Variants in EPPK1 observed in about 807,000 individuals in gnomAD.
EPPK1 encodes epiplakin 1.
For missense variants in EPPK1, 3,823 were observed against 3,673.3 expected (o/e 1.04, Z -1.05); for synonymous variants, 1,862 against 1,721.2 (o/e 1.08, Z -2.03).
rs562011518 is a variant in EPPK1, at chr8:143,871,427, C to T, written c.1827G>A (p.Thr609=). 121 of 1,604,588 alleles carry T rather than the reference C, an allele frequency of 7.5e-5. 1 individual carries two copies. The South Asian group carries it at 8.7e-4, about 12-fold the overall frequency. The change falls in exon 2 of 2, where the codon ACG becomes ACA. Residue 609 remains threonine, a synonymous_variant. Coordinates refer to ENST00000615648, the MANE Select transcript of EPPK1 (RefSeq NM_031308.4). ...LASVQRYLQG[T]GCIAGLLLPG... is the part of the protein sequence containing the mutation. ...GGAGCAGCAGGCCAGCAATGCAGCC[C>T]GTACCCTGCAGGTACCTCTGCACCG...
At position 143,870,947 on chromosome 8, in the gene EPPK1, G is replaced by A; in HGVS notation, c.2307C>T (p.Asp769=). The change falls in exon 2 of 2, where the codon GAC becomes GAT. Residue 769 remains aspartate, a synonymous_variant. Transcript: ENST00000615648. This position sits in a 1 kb window ranked among gnomAD's most constrained non-coding sequence, Gnocchi z 5.2. ...DPSDDTKGFF[D]PNTHENLTYL... is the part of the protein sequence containing the mutation. ...ACGTGAGGTTCTCGTGCGTGTTGGGGTCGAAGAAGCCCTTGGTGTCGTCAG... is the reference window on the plus strand; with the variant it reads ...ACGTGAGGTTCTCGTGCGTGTTGGGATCGAAGAAGCCCTTGGTGTCGTCAG... The A allele has an allele frequency of 1.2e-6, 2 of 1,613,508 alleles. No individual in the cohort carries two copies. Among genetic ancestry groups the A allele is most frequent in the South Asian group, 2.2e-5 (2 of 91,088 alleles).
In EPPK1 at chr8:143,867,949, T is replaced by A. The variant is rs1819189410; in HGVS notation, c.5305A>T (p.Ile1769Phe). The A allele has an allele frequency of 1.2e-6, 2 of 1,613,720 alleles. No homozygotes were observed. The highest frequency in any genetic ancestry group is 4.5e-5 in the East Asian group (2 of 44,882). ...IIKKGENYVYINEATRHVLQS... is the reference protein window; with the variant it reads ...IIKKGENYVYFNEATRHVLQS... ...AACACGTGTCTCGTGGCCTCATTGA[T>A]GTACACGTAGTTTTCTCCTTTCTTT... The change falls in exon 2 of 2, where the codon ATC (isoleucine) becomes TTC (phenylalanine). Residue 1769 changes from isoleucine to phenylalanine, a missense_variant. Physicochemically the swap from Ile to Phe is conservative, Grantham distance 21 (BLOSUM62 0). Coordinates refer to ENST00000615648, the MANE Select transcript of EPPK1 (RefSeq NM_031308.4).
chr8:143,867,785 G>A lies in EPPK1; in HGVS notation c.5469C>T (p.Gly1823=). ...LIQEYGAQSG[G]LEKLLEIITT... ...TGATGATTTCCAGCAATTTCTCCAG[G>A]CCCCCACTCTGGGCTCCATACTCCT... Residue 1823 remains glycine (G), a synonymous_variant, in exon 2 of 2, where the codon GGC becomes GGT. Transcript: ENST00000615648. The A allele has an allele frequency of 6.2e-7, 1 of 1,613,594 alleles. No homozygotes were observed.
chr8:143,857,922 ACC>A lies in EPPK1; in HGVS notation c.*63_*64del. ...AAAAAAAAAAAAAAAAAAAAAAACA[ACC>A]CAGACACACAAGTATGCCTCCACTT... On this transcript the variant is annotated 3_prime_UTR_variant, in exon 2 of 2. Coordinates refer to ENST00000615648, the MANE Select transcript of EPPK1 (RefSeq NM_031308.4). The A allele has an allele frequency of 1.6e-5, 13 of 800,488 alleles. No individual in the cohort carries two copies. The highest frequency in any genetic ancestry group is 1.1e-4 in the South Asian group (4 of 37,498). 49.6% of individuals were successfully genotyped at this position (800,488 alleles called of 1,614,324 possible).
rs1554660382 is a variant in EPPK1 at position 143,869,537 on chromosome 8, C to A, written c.3717G>T (p.Lys1239Asn). ...PAQVAEQPAV[K>N]ACLWGTGCVA... is the part of the protein sequence containing the mutation. ...CGCAGCCTGTGCCCCACAGGCAGGC[C>A]TTCACCGCCGGCTGCTCGGCGACCT... The change falls in exon 2 of 2, where the codon AAG (lysine) becomes AAT (asparagine). Residue 1239 changes from lysine (K) to asparagine (N), a missense_variant. Lys to Asn is a moderately conservative substitution (Grantham distance 94). Coordinates refer to ENST00000615648, the MANE Select transcript of EPPK1 (RefSeq NM_031308.4). 3 of 1,561,890 alleles carry A rather than the reference C, an allele frequency of 1.9e-6. No homozygotes were observed. The highest frequency in any genetic ancestry group is 1.7e-6 in the Non-Finnish European group (2 of 1,156,396).
intron 1 of EPPK1, 57 bp from the exon 2 acceptor site, chr8:143,873,355 G>A (rs1819420002): frequency 1.6e-6 from 2 of 1,281,774 alleles, no homozygotes; most frequent in Middle Eastern, 2.1e-4. Flanking sequence ...GGGCACGAGG[G>A]AAGATGCGGT....
chr8:143,868,814 A>G lies in EPPK1; in HGVS notation c.4440T>C (p.Ala1480=), dbSNP rs782557877. ...GTGCCACCAGCTCCCGCCGCTTGTCAGCGCCAACGTATTCGGAGAGCAGCA... is the reference window on the plus strand; with the variant it reads ...GTGCCACCAGCTCCCGCCGCTTGTCGGCGCCAACGTATTCGGAGAGCAGCA... The part of the protein sequence containing the change: ...WDLLLSEYVG[A]DKRRELVALC... The change falls in exon 2 of 2, where the codon GCT becomes GCC. Residue 1480 remains alanine (A), a synonymous_variant. Transcript: ENST00000615648. 7.5e-6 allele frequency: 12 copies of G among 1,604,756 alleles called. No homozygotes were observed. Among genetic ancestry groups the G allele is most frequent in the Non-Finnish European group, 1.0e-5 (12 of 1,179,336 alleles).
Position 143,869,001 on chromosome 8 carries a change from C to G in EPPK1, c.4253G>C (p.Arg1418Thr). Reference sequence around the variant, plus strand: ...CTCGGAGTCGCACACGCAGCGCTCCCTGAGCTGCTGGTAGGTCACCTGGTC... The same window carrying G: ...CTCGGAGTCGCACACGCAGCGCTCCGTGAGCTGCTGGTAGGTCACCTGGTC... ...ARDQVTYQQL[R>T]ERCVCDSETG... The change falls in exon 2 of 2, where the codon AGG becomes ACG. Residue 1418 changes from arginine to threonine, a missense_variant. Coordinates refer to ENST00000615648, the MANE Select transcript of EPPK1 (RefSeq NM_031308.4). 1 of 1,610,414 alleles carries G rather than the reference C, an allele frequency of 6.2e-7. No individual in the cohort carries two copies.
At position 143,867,324 on chromosome 8, in the gene EPPK1, C is replaced by T. The variant is rs1313094991; in HGVS notation, c.5930G>A (p.Gly1977Asp). ...RLLKAERAAT[G>D]YRDPATGDTI... is the part of the protein sequence containing the mutation. ...GTCTCCTGTGGCCGGATCCCTGTAG[C>T]CCGTGGCAGCTCTTTCAGCCTTCAG... Residue 1977 changes from glycine to aspartate, a missense_variant, in exon 2 of 2, where the codon GGC (glycine) becomes GAC (aspartate). Transcript: ENST00000615648. 4 of 1,612,696 alleles carry T rather than the reference C, an allele frequency of 2.5e-6. No individual in the cohort carries two copies. The highest frequency in any genetic ancestry group is 3.4e-6 in the Non-Finnish European group (4 of 1,179,802).
rs782529610 is a variant in EPPK1, at chr8:143,870,086, G to A, written c.3168C>T (p.His1056=). The A allele has an allele frequency of 1.2e-6, 2 of 1,610,554 alleles. No individual in the cohort carries two copies. The highest frequency in any genetic ancestry group is 3.4e-5 in the Admixed American group (2 of 59,674). The change falls in exon 2 of 2, where the codon CAC becomes CAT. Residue 1056 remains histidine, a synonymous_variant. Transcript: ENST00000615648. The surrounding 1 kb of genome is among the most constrained non-coding windows in gnomAD (Gnocchi z 5.2). ...TGGIIDPTSH[H]HLPMPVAIQR... is the part of the protein sequence containing the mutation. ...GAATGGCCACTGGCATGGGGAGGTG[G>A]TGGTGGCTGGTGGGGTCAATGATCC...
chr8:143,867,158 T>C lies in EPPK1; in HGVS notation c.6096A>G (p.Arg2032=). 3 of 1,612,820 alleles carry C rather than the reference T, an allele frequency of 1.9e-6. No individual in the cohort carries two copies. The highest frequency in any genetic ancestry group is 2.5e-6 in the Non-Finnish European group (3 of 1,179,738). The change falls in exon 2 of 2, where the codon AGA becomes AGG. Residue 2032 remains arginine, a synonymous_variant. Transcript: ENST00000615648. Reference sequence around the variant, plus strand: ...AGATGTCCTTGTGCAGACAGCCCCGTCTGTAGGCTGTTTCCAGTGGGAGCC... The same window carrying C: ...AGATGTCCTTGTGCAGACAGCCCCGCCTGTAGGCTGTTTCCAGTGGGAGCC... ...HHRLPLETAY[R]RGCLHKDIYA...
At position 143,866,474 on chromosome 8, in the gene EPPK1, C is replaced by G. The variant is rs1244510861; in HGVS notation, c.6780G>C (p.Leu2260=). Residue 2260 remains leucine (L), a synonymous_variant, in exon 2 of 2, where the codon CTG becomes CTC. Transcript: ENST00000615648. Reference sequence around the variant, plus strand: ...TGGCCGCCTGCGCCTCCAGCAGCACCAGGGCCGTGCCGGGCCGCAGCACGC... The same window carrying G: ...TGGCCGCCTGCGCCTCCAGCAGCACGAGGGCCGTGCCGGGCCGCAGCACGC... ...WKGVLRPGTA[L]VLLEAQAATG... is the part of the protein sequence containing the mutation. 1.5e-5 allele frequency: 22 copies of G among 1,509,410 alleles called. No homozygotes were observed. The highest frequency in any genetic ancestry group is 2.0e-5 in the Admixed American group (1 of 50,208). 93.5% of individuals were successfully genotyped at this position (1,509,410 alleles called of 1,614,324 possible).
rs782763125 is a variant in EPPK1 at position 143,869,988 on chromosome 8, C to CCGT, written c.3263_3265dup (p.Asp1088dup). The CCGT allele has an allele frequency of 2.5e-6, 4 of 1,607,384 alleles. No individual in the cohort carries two copies. The highest frequency in any genetic ancestry group is 3.4e-6 in the Non-Finnish European group (4 of 1,177,002). ...CTGGGCATAGCTCGTGCGCCCCTGG[C>CCGT]CGTCCGGTGTGGGGAAGGTTTCGGA... On this transcript the variant is annotated inframe_insertion, in exon 2 of 2. Coordinates refer to ENST00000615648, the MANE Select transcript of EPPK1 (RefSeq NM_031308.4).
intron 1 of EPPK1, among the ~76,000 whole-genome samples, chr8:143,876,647 T>C (rs1328620755): frequency 1.3e-5 from 2 of 152,234 alleles, no homozygotes; most frequent in Admixed American, 1.3e-4. Flanking sequence ...TACTGGCACC[T>C]GCCTCCCCTA....
rs1554657803 is a variant in EPPK1, at chr8:143,857,891, A to G, written c.*96T>C. 1 of 880,132 alleles carries G rather than the reference A, an allele frequency of 1.1e-6. No homozygotes were observed. The highest frequency in any genetic ancestry group is 1.6e-6 in the Non-Finnish European group (1 of 609,200). 54.5% of individuals were successfully genotyped at this position (880,132 alleles called of 1,614,324 possible). On this transcript the variant is annotated 3_prime_UTR_variant, in exon 2 of 2. Coordinates refer to ENST00000615648, the MANE Select transcript of EPPK1 (RefSeq NM_031308.4). ...AATGGGTAAAACAACAAAATTAAAG[A>G]ATGACAAAAAAAAAAAAAAAAAAAA... is the stretch of plus-strand genomic sequence containing the variant.
chr8:143,867,332 A>G lies in EPPK1; in HGVS notation c.5922T>C (p.Ala1974=). 1 of 1,612,690 alleles carries G rather than the reference A, an allele frequency of 6.2e-7. No homozygotes were observed. Among genetic ancestry groups the G allele is most frequent in the Non-Finnish European group, 8.5e-7 (1 of 1,179,832 alleles). ...LRERLLKAER[A]ATGYRDPATG... ...TGGCCGGATCCCTGTAGCCCGTGGC[A>G]GCTCTTTCAGCCTTCAGGAGCCTCT... Residue 1974 remains alanine (A), a synonymous_variant, in exon 2 of 2, where the codon GCT becomes GCC. Transcript: ENST00000615648.
In EPPK1 at chr8:143,870,846, G is replaced by C. The variant is rs782710237; in HGVS notation, c.2408C>G (p.Ser803Cys). The change falls in exon 2 of 2, where the codon TCC becomes TGC. Residue 803 changes from serine to cysteine, a missense_variant. Ser to Cys is a moderately radical substitution (Grantham distance 112, BLOSUM62 -1). Transcript: ENST00000615648. This position sits in a 1 kb window ranked among gnomAD's most constrained non-coding sequence, Gnocchi z 5.2. Reference protein sequence around the residue: ...LYLLPLSSTQSPLVDSATQQA... With the variant: ...LYLLPLSSTQCPLVDSATQQA... The stretch of plus-strand genomic sequence containing the variant: ...CTGGGTGGCACTGTCCACCAGCGGG[G>C]ACTGCGTGCTGCTGAGTGGCAGGAG... The C allele has an allele frequency of 1.2e-6, 2 of 1,612,956 alleles. No individual in the cohort carries two copies. The highest frequency in any genetic ancestry group is 3.3e-5 in the Admixed American group (2 of 60,024).
rs1011895897 is a variant in EPPK1 at position 143,869,114 on chromosome 8, G to T, written c.4140C>A (p.Cys1380Ter). Residue 1380 changes from cysteine to a stop codon, truncating the protein, a stop_gained, in exon 2 of 2, where the codon TGC (cysteine) becomes TGA (stop). Transcript: ENST00000615648. LOFTEE classifies it low-confidence loss of function (END_TRUNC). ...TCTGTGTGTCCAGAAGGCCGAGTCTGCAGGCTGCCGCCTGGGGCAGGTGCA... is the reference window on the plus strand; with the variant it reads ...TCTGTGTGTCCAGAAGGCCGAGTCTTCAGGCTGCCGCCTGGGGCAGGTGCA... ...HGVHLPQAAACRLGLLDTQTS... is the reference protein window; with the variant it reads ...HGVHLPQAAA The T allele has an allele frequency of 6.2e-7, 1 of 1,606,138 alleles. No individual in the cohort carries two copies.
intron 1 of EPPK1, among the ~76,000 whole-genome samples, chr8:143,873,985 T>C (rs371168361): frequency 6.6e-6 from 1 of 152,334 alleles, no homozygotes; most frequent in East Asian, 1.9e-4. Flanking sequence ...CCTCTGCCTG[T>C]CCTGGATCTC....
Sources: allele counts gnomAD v4.1 joint callset (sites outside exome capture counted in the v4.1 genomes callset), GRCh38; gene constraint gnomAD v4.1.1; non-coding constraint Gnocchi (gnomAD v3.1); transcripts MANE v1.5; gene names NCBI Gene and HGNC (gene_info 2026-07-23, HGNC 2026-07-21).